Variants in KCNMA1 observed in about 807,000 individuals in gnomAD.
KCNMA1 encodes potassium calcium-activated channel subfamily M alpha 1, also known as Calcium-activated potassium channel subunit alpha-1.
KCNMA1 carries 29 observed loss-of-function variants against 140.0 expected under a neutral mutation model. The observed-to-expected ratio is 0.21, with a 90% CI of 0.15 to 0.28. The LOEUF is 0.28. Ranked by LOEUF, KCNMA1 falls within the 10% of genes least tolerant of loss-of-function variation. KCNMA1 has a pLI of 1.00. For missense variants in KCNMA1, 880 were observed against 1,602.2 expected (o/e 0.55, Z 7.70); for synonymous variants, 612 against 611.9 (o/e 1.00, Z 0.00).
At chr10:77,210,577 G>A (rs977725346) in intron 3 of KCNMA1, among the ~76,000 whole-genome samples, 1 of 152,138 alleles carries the variant, frequency 6.6e-6, no homozygotes, top group Admixed American at 6.5e-5. Flanking sequence ...AACCAGGCAA[G>A]AGAAAGAAAG....
At chr10:77,068,071 T>C (rs1050892649) in intron 14 of KCNMA1, among the ~76,000 whole-genome samples, 5 of 152,350 alleles carry the variant, frequency 3.3e-5, no homozygotes, top group African/African-American at 1.2e-4. Context: ...TTTGCTTGGG[T>C]TTGAACACCT....
intron 19 of KCNMA1, chr10:76,995,333 T>G (rs1403413323): frequency 8.1e-6 from 2 of 247,434 alleles, no homozygotes; most frequent in Middle Eastern, 1.5e-3. Context: ...TAATAAGTTA[T>G]GTCTCCCCAG....
chr10:76,883,085 C>T (rs1348491606), downstream of KCNMA1, among the ~76,000 whole-genome samples: 1 of 152,126 alleles, frequency 6.6e-6, no homozygotes, highest in Non-Finnish European at 1.5e-5. Flanking sequence ...TTCTGGTCAT[C>T]TGGGATCTTG....
chr10:77,382,994 G>GTGTGTGTGTATATATATA (rs1491457588), intron 2 of KCNMA1, among the ~76,000 whole-genome samples: 8 of 46,422 alleles, frequency 1.7e-4, no homozygotes, highest in African/African-American at 2.9e-4. Flanking sequence ...GTGTGTGTGT[G>GTGTGTGTGTATATATATA]TATATATATA....
chr10:77,547,543 C>T (rs578185708), intron 1 of KCNMA1, among the ~76,000 whole-genome samples: 1 of 152,240 alleles, frequency 6.6e-6, no homozygotes, highest in African/African-American at 2.4e-5. Flanking sequence ...GGGCCCACCT[C>T]TGTGTGGCTT....
intron 2 of KCNMA1, among the ~76,000 whole-genome samples, chr10:77,352,489 G>C (rs1460444509): frequency 6.6e-6 from 1 of 152,190 alleles, no homozygotes; most frequent in Admixed American, 6.5e-5. Context: ...TGGCTATTGA[G>C]TACTCAAAAG....
At chr10:77,027,618 G>A (rs2093578667) in intron 16 of KCNMA1, among the ~76,000 whole-genome samples, 4 of 152,208 alleles carry the variant, frequency 2.6e-5, no homozygotes, top group Admixed American at 2.6e-4. Context: ...TGCCCAGCAG[G>A]GCTTTGGGTG....
intron 1 of KCNMA1, among the ~76,000 whole-genome samples, chr10:77,506,840 A>AGTGTGTGTGT (rs67309788): frequency 8.3e-6 from 1 of 120,956 alleles, no homozygotes; most frequent in South Asian, 2.9e-4. Flanking sequence ...AGAGAGAGAG[A>AGTGTGTGTGT]GTGTGTGTGT....
chr10:77,492,343 G>C, intron 1 of KCNMA1, among the ~76,000 whole-genome samples: 1 of 151,224 alleles, frequency 6.6e-6, no homozygotes, highest in South Asian at 2.1e-4. Context: ...TGCATGCTCT[G>C]ATTCCCCATA....
At chr10:77,310,862 A>T (rs1339989727) in intron 2 of KCNMA1, among the ~76,000 whole-genome samples, 1 of 152,192 alleles carries the variant, frequency 6.6e-6, no homozygotes, top group Non-Finnish European at 1.5e-5. Flanking sequence ...ACATGAACAG[A>T]AAAGTCTATT....
chr10:77,259,468 A>G (rs919837476), intron 2 of KCNMA1, among the ~76,000 whole-genome samples: 7 of 152,102 alleles, frequency 4.6e-5, no homozygotes, highest in African/African-American at 1.7e-4. Flanking sequence ...AAATCACCTC[A>G]AATGTCCTCC....
chr10:77,035,723 G>A (rs973044196), intron 15 of KCNMA1, among the ~76,000 whole-genome samples: 9 of 152,110 alleles, frequency 5.9e-5, no homozygotes, highest in South Asian at 2.1e-4. Flanking sequence ...CATATAGCTC[G>A]CAATGTGTTT....
chr10:77,226,956 C>T lies in KCNMA1; in HGVS notation c.602+24239G>A, dbSNP rs76149863. ...ACATGTTCTTTTTGTACTTTTAGCT[C>T]ATCTTAAATGCCAGAATCCTCCTTC... On this transcript the variant is annotated intron_variant, in intron 3 of 27. Coordinates refer to ENST00000286628, the MANE Select transcript of KCNMA1 (RefSeq NM_001161352.2). Among the ~76,000 whole-genome samples the T allele has an allele frequency of 2.2e-4, 33 of 152,272 alleles. 1 individual carries two copies. In the East Asian group the frequency reaches 6.2e-3, roughly 29 times the overall value.
intron 19 of KCNMA1, among the ~76,000 whole-genome samples, chr10:76,998,413 C>A (rs2085090237): frequency 6.6e-6 from 1 of 152,146 alleles, no homozygotes; most frequent in South Asian, 2.1e-4. Flanking sequence ...ACTGGCTCAA[C>A]TGGGAAACTG....
intron 19 of KCNMA1, among the ~76,000 whole-genome samples, chr10:76,971,519 G>A (rs1336177234): frequency 6.6e-6 from 1 of 152,140 alleles, no homozygotes; most frequent in Non-Finnish European, 1.5e-5. Flanking sequence ...GTTTGGGCTT[G>A]TCTAAACCCT....
intron 1 of KCNMA1, among the ~76,000 whole-genome samples, chr10:77,572,593 T>TAA (rs1384884863): frequency 1.9e-5 from 2 of 102,812 alleles, no homozygotes; most frequent in East Asian, 4.8e-4. Flanking sequence ...TATATATATA[T>TAA]ATATATATAT....
chr10:76,998,816 A>G (rs1396189049), intron 19 of KCNMA1, among the ~76,000 whole-genome samples: 1 of 152,218 alleles, frequency 6.6e-6, no homozygotes, highest in Non-Finnish European at 1.5e-5. Flanking sequence ...AGAGACAGAC[A>G]TTTTTATAAT....
chr10:77,185,516 C>T (rs756643517), intron 3 of KCNMA1, among the ~76,000 whole-genome samples: 5 of 151,942 alleles, frequency 3.3e-5, no homozygotes, highest in African/African-American at 9.7e-5. Flanking sequence ...GTGCAGGACT[C>T]GGATCTGGGG....
intron 14 of KCNMA1, among the ~76,000 whole-genome samples, chr10:77,061,109 T>C (rs946821997): frequency 2.6e-5 from 4 of 152,198 alleles, no homozygotes; most frequent in African/African-American, 9.6e-5. Context: ...TTATCTTGGG[T>C]AGATATCTAG....
Sources: gnomAD v4.1 joint callset for allele counts (sites outside exome capture counted in the v4.1 genomes callset) on GRCh38, gnomAD v4.1.1 for gene constraint, MANE v1.5 for transcripts, NCBI Gene and HGNC (gene_info 2026-07-23, HGNC 2026-07-21) for gene names.